The following GRID1 variants were observed in gnomAD, a reference collection of about 807,000 sequenced individuals.
GRID1 encodes the protein glutamate receptor ionotropic, delta-1.
Under a neutral mutation model 98.0 loss-of-function variants are expected in GRID1, and 28 were observed. The observed-to-expected ratio is 0.29, with a 90% CI of 0.21 to 0.39. GRID1 has a LOEUF of 0.39. Among genes scored for constraint, GRID1 ranks in the 10% least tolerant of loss-of-function variants. The pLI is 1.00. For synonymous variants in GRID1, 553 were observed against 538.5 expected, an observed-to-expected ratio of 1.03 and a Z score of -0.37; for missense variants, 1,111 against 1,340.5, an observed-to-expected ratio of 0.83 and a Z score of 2.67.
At chr10:85,970,291 G>A (rs1303776173) in intron 4 of GRID1, among the ~76,000 whole-genome samples, 1 of 151,994 alleles carries the variant, frequency 6.6e-6, no homozygotes, top group African/African-American at 2.4e-5. Flanking sequence ...AAATAGAATA[G>A]GAGGGAACAC....
chr10:85,939,993 G>A (rs1841977044), intron 4 of GRID1, among the ~76,000 whole-genome samples: 1 of 150,986 alleles, frequency 6.6e-6, no homozygotes, highest in Admixed American at 6.6e-5. Context: ...CTTGAACCTG[G>A]GAGGCGGAGG....
At chr10:85,943,593 C>T (rs1255887635) in intron 4 of GRID1, among the ~76,000 whole-genome samples, 1 of 152,162 alleles carries the variant, frequency 6.6e-6, no homozygotes, top group Non-Finnish European at 1.5e-5. Context: ...AAAATCCAGG[C>T]ACACTTAAAA....
chr10:85,966,056 CT>C (rs1303799803), intron 4 of GRID1, among the ~76,000 whole-genome samples: 1 of 152,198 alleles, frequency 6.6e-6, no homozygotes, highest in Non-Finnish European at 1.5e-5. Flanking sequence ...AAGTTCCATT[CT>C]CCAGGGCATT....
At chr10:85,705,168 A>C (rs1455184625) in intron 12 of GRID1, among the ~76,000 whole-genome samples, 1 of 152,204 alleles carries the variant, frequency 6.6e-6, no homozygotes, top group African/African-American at 2.4e-5. Flanking sequence ...TCAAAAAATT[A>C]ATGAATCCAG....
rs76001825 is a variant in GRID1, at chr10:86,113,799, G to A, written c.726+25020C>T. ...TTCATGCATCTATCTTCAGATAACC[G>A]AGGGGCTGACGGGAAAAGAAAGTAA... On this transcript the variant is annotated intron_variant, in intron 4 of 15. Transcript: ENST00000327946. Among the ~76,000 whole-genome samples, 838 of 152,286 alleles carry A rather than the reference G, an allele frequency of 5.5e-3. 21 individuals carry two copies. In the East Asian group the frequency reaches 0.077, roughly 14 times the overall value.
chr10:85,773,352 C>A (rs1473912814), intron 8 of GRID1, among the ~76,000 whole-genome samples: 1 of 152,248 alleles, frequency 6.6e-6, no homozygotes, highest in African/African-American at 2.4e-5. Flanking sequence ...CTATGACAAG[C>A]CCACAGCCAA....
In GRID1 at chr10:85,849,209, G is replaced by C. The variant is rs78434877; in HGVS notation, c.1233+5287C>G. On this transcript the variant is annotated intron_variant, in intron 8 of 15. Coordinates refer to ENST00000327946, the MANE Select transcript of GRID1 (RefSeq NM_017551.3). Reference sequence around the variant, plus strand: ...ATTTGTAACACTGCATAGCAGATCTGCACGAGGATGTTAATGATGCACTTT... The same window carrying C: ...ATTTGTAACACTGCATAGCAGATCTCCACGAGGATGTTAATGATGCACTTT... Among the ~76,000 whole-genome samples, 356 of 152,270 alleles carry C rather than the reference G, an allele frequency of 2.3e-3. 1 individual carries two copies. Among genetic ancestry groups the C allele is most frequent in the African/African-American group, 7.8e-3 (324 of 41,556 alleles).
chr10:86,109,246 A>G (rs1392182477), intron 4 of GRID1, among the ~76,000 whole-genome samples: 1 of 152,240 alleles, frequency 6.6e-6, no homozygotes, highest in Non-Finnish European at 1.5e-5. Flanking sequence ...CTAGCAGCTA[A>G]TAAGACATGG....
At chr10:85,866,445 A>ATT (rs5786723) in intron 6 of GRID1, among the ~76,000 whole-genome samples, 4 of 148,750 alleles carry the variant, frequency 2.7e-5, no homozygotes, top group Non-Finnish European at 4.5e-5. Context: ...TTTATTTGGG[A>ATT]TTTTTTTTTT....
intron 8 of GRID1, among the ~76,000 whole-genome samples, chr10:85,730,008 C>T (rs1279809322): frequency 6.6e-6 from 1 of 152,224 alleles, no homozygotes; most frequent in African/African-American, 2.4e-5. Flanking sequence ...TTGAGTTCAG[C>T]CATTGCTCCC....
intron 6 of GRID1, among the ~76,000 whole-genome samples, chr10:85,858,166 C>T (rs1464547879): frequency 6.6e-6 from 1 of 152,216 alleles, no homozygotes; most frequent in Non-Finnish European, 1.5e-5. Context: ...TGTCCCCCAG[C>T]TCTGACCATT....
chr10:85,742,407 G>A (rs1372615944), intron 8 of GRID1, among the ~76,000 whole-genome samples: 1 of 152,176 alleles, frequency 6.6e-6, no homozygotes, highest in Non-Finnish European at 1.5e-5. Context: ...AAGGGCCATA[G>A]TTCGTTAATT....
intron 2 of GRID1, among the ~76,000 whole-genome samples, chr10:86,272,342 G>C (rs1249802063): frequency 1.3e-5 from 2 of 152,142 alleles, no homozygotes. Flanking sequence ...CAGCAACCAA[G>C]AGAACACTTA....
chr10:85,921,515 C>T (rs1381153318), intron 4 of GRID1, among the ~76,000 whole-genome samples: 1 of 152,204 alleles, frequency 6.6e-6, no homozygotes, highest in Non-Finnish European at 1.5e-5. Context: ...TTGGGTCCTG[C>T]CCTGGCCACC....
rs763260921 is a variant in GRID1, at chr10:85,612,996, G to A, written c.2601+411C>T. 7 of 167,542 alleles carry A rather than the reference G, an allele frequency of 4.2e-5. No homozygotes were observed. The South Asian group carries it at 5.2e-4, about 12-fold the overall frequency. 10.4% of individuals were successfully genotyped at this position (167,542 alleles called of 1,614,324 possible). ...TCCCCTGATGCGCTGGGAGAGCAGC[G>A]CCCTGTGTCCCTTGGTGAGAAGTAA... On this transcript the variant is annotated intron_variant, in intron 15 of 15. Coordinates refer to ENST00000327946, the MANE Select transcript of GRID1 (RefSeq NM_017551.3).
chr10:85,838,171 C>G (rs1225670895), intron 8 of GRID1, among the ~76,000 whole-genome samples: 1 of 151,918 alleles, frequency 6.6e-6, no homozygotes, highest in Non-Finnish European at 1.5e-5. Context: ...GTAAAGAGAC[C>G]AAACCTATGA....
At chr10:86,222,698 T>G (rs1424668272) in intron 2 of GRID1, among the ~76,000 whole-genome samples, 1 of 152,138 alleles carries the variant, frequency 6.6e-6, no homozygotes, top group Non-Finnish European at 1.5e-5. Flanking sequence ...CCAAGACCTC[T>G]GAAGGGGAGA....
At chr10:85,895,016 A>AAAATATATATATATATAT (rs766551035) in intron 5 of GRID1, among the ~76,000 whole-genome samples, 5 of 97,108 alleles carry the variant, frequency 5.1e-5, no homozygotes, top group South Asian at 3.7e-4. Flanking sequence ...AAAAAAAAAA[A>AAAATATATATATATATAT]ATATATATAT....
chr10:86,124,547 C>A (rs1455210634), intron 4 of GRID1, among the ~76,000 whole-genome samples: 1 of 152,190 alleles, frequency 6.6e-6, no homozygotes, highest in Non-Finnish European at 1.5e-5. Context: ...GGTGCCCCCA[C>A]GAAACCACTC....
Sources: allele counts gnomAD v4.1 joint callset (sites outside exome capture counted in the v4.1 genomes callset), GRCh38; gene constraint gnomAD v4.1.1; transcripts MANE v1.5; gene names NCBI Gene and HGNC (gene_info 2026-07-23, HGNC 2026-07-21).